GRM3: variants seen among roughly 807,000 people sequenced by gnomAD.
GRM3 encodes metabotropic glutamate receptor 3.
GRM3 carries 26 observed loss-of-function variants against 70.5 expected under a neutral mutation model. That is an observed-to-expected ratio of 0.37 (90% CI 0.27 to 0.51). The LOEUF is 0.51. Among genes scored for constraint, GRM3 ranks in the 20% least tolerant of loss-of-function variants. The probability of loss-of-function intolerance (pLI) is 0.93; values close to 1 mark genes in which losing one functional copy is unlikely to be tolerated. For synonymous variants in GRM3, 443 were observed against 434.9 expected, an observed-to-expected ratio of 1.02 and a Z score of -0.23; for missense variants, 859 against 1,123.8, an observed-to-expected ratio of 0.76 and a Z score of 3.37.
chr7:86,839,846 A>G lies in GRM3; in HGVS notation c.2332A>G (p.Thr778Ala). The stretch of plus-strand genomic sequence containing the variant: ...GTTCATAGGTTTTACCATGTACACC[A>G]CGTGCATCATCTGGTTGGCCTTCCT... Reference protein sequence around the residue: ...AKFIGFTMYTTCIIWLAFLPI... With the variant: ...AKFIGFTMYTACIIWLAFLPI... The change falls in exon 4 of 6, where the codon ACG (threonine) becomes GCG (alanine). Residue 778 changes from threonine (T) to alanine (A), a missense_variant. By Grantham distance (58) the Thr-to-Ala change is moderately conservative (BLOSUM62 0). Coordinates refer to ENST00000361669, the MANE Select transcript of GRM3 (RefSeq NM_000840.3). The surrounding 1 kb of genome is among the most constrained non-coding windows in gnomAD (Gnocchi z 4.5). The G allele has an allele frequency of 6.2e-7, 1 of 1,613,958 alleles. No individual in the cohort carries two copies. The highest frequency in any genetic ancestry group is 8.5e-7 in the Non-Finnish European group (1 of 1,179,828).
chr7:86,648,183 A>G (rs1793523891), intron 1 of GRM3, among the ~76,000 whole-genome samples: 1 of 150,054 alleles, frequency 6.7e-6, no homozygotes. Flanking sequence ...ACACTTATAT[A>G]TGTGTATAAC....
rs144180022 is a variant in GRM3 at position 86,727,982 on chromosome 7, C to T, written c.-140-37024C>T. Among the ~76,000 whole-genome samples, 352 of 152,220 alleles carry T rather than the reference C, an allele frequency of 2.3e-3. 3 individuals are homozygous for T. The highest frequency in any genetic ancestry group is 8.1e-3 in the African/African-American group (338 of 41,526). On this transcript the variant is annotated intron_variant, in intron 1 of 5. Transcript: ENST00000361669. Reference sequence around the variant, plus strand: ...TGACCCATTACAGAAAGTTTGCCAACCCATGAGCTAAACATCAAGAGGTGG... The same window carrying T: ...TGACCCATTACAGAAAGTTTGCCAATCCATGAGCTAAACATCAAGAGGTGG...
At chr7:86,822,628 G>A (rs1283157634) in intron 3 of GRM3, among the ~76,000 whole-genome samples, 1 of 152,176 alleles carries the variant, frequency 6.6e-6, no homozygotes, top group Non-Finnish European at 1.5e-5. Flanking sequence ...AGATATGAAT[G>A]GTGAATGGGA....
At chr7:86,842,864 C>T (rs1406685441) in intron 4 of GRM3, among the ~76,000 whole-genome samples, 1 of 152,088 alleles carries the variant, frequency 6.6e-6, no homozygotes, top group Non-Finnish European at 1.5e-5. Flanking sequence ...ATATGGGTAA[C>T]ATCATGATCT....
intron 1 of GRM3, among the ~76,000 whole-genome samples, chr7:86,728,240 A>G (rs1287002587): frequency 1.3e-5 from 2 of 152,164 alleles, no homozygotes; most frequent in Non-Finnish European, 2.9e-5. Context: ...CCCTCTAGGA[A>G]CTTAGAATTA....
intron 3 of GRM3, among the ~76,000 whole-genome samples, chr7:86,794,891 A>C (rs910832208): frequency 2.0e-5 from 3 of 152,164 alleles, no homozygotes; most frequent in South Asian, 2.1e-4. Flanking sequence ...TAAAAAAAAA[A>C]AAAACAATTT....
intron 1 of GRM3, among the ~76,000 whole-genome samples, chr7:86,713,897 G>T (rs1795255568): frequency 6.6e-6 from 1 of 151,912 alleles, no homozygotes. Flanking sequence ...TGGGTTCGGA[G>T]CTCTATGCTG....
rs146843079 is a variant in GRM3, at chr7:86,824,589, G to C, written c.1325-14250G>C. On this transcript the variant is annotated intron_variant, in intron 3 of 5. Transcript: ENST00000361669. Reference sequence around the variant, plus strand: ...AGGTAGGCTAAGAAAAAAAGAAAGTGGAAGAGCCTTAAAGATAACTGTGTC... The same window carrying C: ...AGGTAGGCTAAGAAAAAAAGAAAGTCGAAGAGCCTTAAAGATAACTGTGTC... Among the ~76,000 whole-genome samples, 752 of 152,230 alleles carry C rather than the reference G, an allele frequency of 4.9e-3. 5 individuals carry two copies. The highest frequency in any genetic ancestry group is 0.017 in the African/African-American group (710 of 41,550).
At chr7:86,670,836 C>G (rs1208462457) in intron 1 of GRM3, among the ~76,000 whole-genome samples, 2 of 152,090 alleles carry the variant, frequency 1.3e-5, no homozygotes, top group Non-Finnish European at 2.9e-5. Context: ...CTTACACATT[C>G]TCTAAACTGA....
chr7:86,721,666 G>A (rs1795467285), intron 1 of GRM3, among the ~76,000 whole-genome samples: 1 of 151,982 alleles, frequency 6.6e-6, no homozygotes, highest in South Asian at 2.1e-4. Context: ...CGAGCCAAAG[G>A]GGTTAAATGT....
chr7:86,756,571 A>C (rs1045769552), intron 1 of GRM3, among the ~76,000 whole-genome samples: 1 of 152,158 alleles, frequency 6.6e-6, no homozygotes, highest in Non-Finnish European at 1.5e-5. Flanking sequence ...TAAGTCAGCT[A>C]TCATTAATAT....
At position 86,786,653 on chromosome 7, in the gene GRM3, C is replaced by A. The variant is rs1336841543; in HGVS notation, c.861C>A (p.Ala287=). ...RSDDSRELIA[A]ASRANASFTW... Reference sequence around the variant, plus strand: ...ACGACTCGCGGGAGCTCATTGCAGCCGCCAGCCGCGCCAATGCCTCCTTCA... The same window carrying A: ...ACGACTCGCGGGAGCTCATTGCAGCAGCCAGCCGCGCCAATGCCTCCTTCA... The change falls in exon 3 of 6, where the codon GCC becomes GCA. Residue 287 remains alanine, a synonymous_variant. Transcript: ENST00000361669. This position sits in a 1 kb window ranked among gnomAD's most constrained non-coding sequence, Gnocchi z 6.0. 2 of 1,611,638 alleles carry A rather than the reference C, an allele frequency of 1.2e-6. No individual in the cohort carries two copies. Among genetic ancestry groups the A allele is most frequent in the East Asian group, 2.2e-5 (1 of 44,888 alleles).
At chr7:86,669,551 T>G (rs964381558) in intron 1 of GRM3, among the ~76,000 whole-genome samples, 2 of 152,212 alleles carry the variant, frequency 1.3e-5, no homozygotes, top group South Asian at 2.1e-4. Context: ...TTTTAAGACT[T>G]AGCTGTGAGT....
chr7:86,702,059 A>C (rs1298174109), intron 1 of GRM3, among the ~76,000 whole-genome samples: 3 of 151,992 alleles, frequency 2.0e-5, no homozygotes, highest in Non-Finnish European at 4.4e-5. Flanking sequence ...GTCCTTTTTT[A>C]TTTATTTATT....
At chr7:86,731,198 T>G (rs1795726811) in intron 1 of GRM3, among the ~76,000 whole-genome samples, 1 of 152,236 alleles carries the variant, frequency 6.6e-6, no homozygotes, top group African/African-American at 2.4e-5. Context: ...CTGCTCGAAT[T>G]CTACTACTGA....
chr7:86,742,951 T>C (rs1249335777), intron 1 of GRM3, among the ~76,000 whole-genome samples: 1 of 152,114 alleles, frequency 6.6e-6, no homozygotes, highest in Non-Finnish European at 1.5e-5. Context: ...ACAAGAGCAA[T>C]AGGAGATTCA....
intron 1 of GRM3, among the ~76,000 whole-genome samples, chr7:86,691,310 C>T (rs1794691355): frequency 6.6e-6 from 1 of 152,144 alleles, no homozygotes; most frequent in African/African-American, 2.4e-5. Flanking sequence ...CTCCCTCATA[C>T]TCTCACACAC....
At chr7:86,655,137 A>T (rs1404088185) in intron 1 of GRM3, among the ~76,000 whole-genome samples, 1 of 152,220 alleles carries the variant, frequency 6.6e-6, no homozygotes, top group Non-Finnish European at 1.5e-5. Flanking sequence ...CTCAACATGA[A>T]TATCTAGTCT....
In GRM3 at chr7:86,838,945, G is replaced by A; in HGVS notation, c.1431G>A (p.Lys477=). The change falls in exon 4 of 6, where the codon AAG becomes AAA. Residue 477 remains lysine, a synonymous_variant. Coordinates refer to ENST00000361669, the MANE Select transcript of GRM3 (RefSeq NM_000840.3). Reference sequence around the variant, plus strand: ...TCAATTTCCAAAATGTAGGTGGAAAGTATTCCTACTTGAAAGTTGGTCACT... The same window carrying A: ...TCAATTTCCAAAATGTAGGTGGAAAATATTCCTACTTGAAAGTTGGTCACT... ...NVFNFQNVGG[K]YSYLKVGHWA... is the part of the protein sequence containing the mutation. 1 of 1,613,626 alleles carries A rather than the reference G, an allele frequency of 6.2e-7. No homozygotes were observed. Among genetic ancestry groups the A allele is most frequent in the Non-Finnish European group, 8.5e-7 (1 of 1,179,550 alleles).
Sources: allele counts gnomAD v4.1 joint callset (sites outside exome capture counted in the v4.1 genomes callset), GRCh38; gene constraint gnomAD v4.1.1; non-coding constraint Gnocchi (gnomAD v3.1); transcripts MANE v1.5; gene names NCBI Gene and HGNC (gene_info 2026-07-23, HGNC 2026-07-21).